The following ETV6 variants were observed in gnomAD, a reference collection of about 807,000 sequenced individuals.
ETV6 encodes the protein transcription factor ETV6.
ETV6 carries 16 observed loss-of-function variants against 51.1 expected under a neutral mutation model. The ratio of observed to expected loss-of-function variants is 0.31; its 90% confidence interval spans 0.21 to 0.48. The LOEUF (loss-of-function observed/expected upper bound fraction) is 0.48. ETV6 is among the 20% of genes least tolerant of loss of function. ETV6 has a pLI of 0.99. For synonymous variants in ETV6, 240 were observed against 224.1 expected (o/e 1.07, Z -0.64); for missense variants, 458 against 594.8 (o/e 0.77, Z 2.39).
intron 2 of ETV6, among the ~76,000 whole-genome samples, chr12:11,796,828 C>A (rs771927873): frequency 2.0e-4 from 31 of 151,260 alleles, no homozygotes; most frequent in Admixed American, 4.0e-4. Context: ...TCTCTGTCAC[C>A]CAGGCTGGAG....
At chr12:11,789,235 T>C (rs866746831) in intron 2 of ETV6, among the ~76,000 whole-genome samples, 1 of 152,122 alleles carries the variant, frequency 6.6e-6, no homozygotes, top group East Asian at 1.9e-4. Flanking sequence ...GTTTTCACCA[T>C]GTTGGCCAGG....
At chr12:11,861,892 G>C (rs923228742) in intron 4 of ETV6, among the ~76,000 whole-genome samples, 1 of 152,128 alleles carries the variant, frequency 6.6e-6, no homozygotes, top group African/African-American at 2.4e-5. Context: ...CCAATCCTTT[G>C]ATTTTTTAAT....
intron 2 of ETV6, among the ~76,000 whole-genome samples, chr12:11,782,731 C>T (rs942682462): frequency 2.0e-5 from 3 of 152,082 alleles, no homozygotes; most frequent in Non-Finnish European, 4.4e-5. Context: ...TTTTTTAATT[C>T]TCAAAAAGTA....
intron 1 of ETV6, among the ~76,000 whole-genome samples, chr12:11,680,097 C>T (rs776331688): frequency 1.2e-4 from 19 of 152,132 alleles, no homozygotes; most frequent in East Asian, 9.6e-4. Flanking sequence ...TTTTGACCTC[C>T]GAATACTGAA....
At chr12:11,769,465 G>A (rs1945209544) in intron 2 of ETV6, among the ~76,000 whole-genome samples, 2 of 152,042 alleles carry the variant, frequency 1.3e-5, no homozygotes, top group Non-Finnish European at 2.9e-5. Flanking sequence ...GATTTTGATG[G>A]TACCTGATTA....
intron 4 of ETV6, among the ~76,000 whole-genome samples, chr12:11,853,899 C>T (rs1156586584): frequency 1.3e-5 from 2 of 152,180 alleles, no homozygotes; most frequent in African/African-American, 4.8e-5. Flanking sequence ...GCTCCCCACC[C>T]TTTTTGGCAC....
chr12:11,655,780 G>A (rs1459424081), intron 1 of ETV6, among the ~76,000 whole-genome samples: 1 of 152,096 alleles, frequency 6.6e-6, no homozygotes, highest in Non-Finnish European at 1.5e-5. Flanking sequence ...GAGTGTGGAC[G>A]AGGGGCTTGA....
At chr12:11,860,357 C>T (rs147252464) in intron 4 of ETV6, among the ~76,000 whole-genome samples, 118 of 152,194 alleles carry the variant, frequency 7.8e-4, no homozygotes, top group African/African-American at 2.7e-3. Flanking sequence ...GAGAGCATGC[C>T]GGCACGTATA....
intron 1 of ETV6, among the ~76,000 whole-genome samples, chr12:11,718,219 C>G (rs547402080): frequency 6.6e-6 from 1 of 152,140 alleles, no homozygotes; most frequent in African/African-American, 2.4e-5. Flanking sequence ...TTGCCCCGTT[C>G]CAGGAACCCT....
At chr12:11,659,983 G>A (rs1274855561) in intron 1 of ETV6, among the ~76,000 whole-genome samples, 1 of 152,042 alleles carries the variant, frequency 6.6e-6, no homozygotes, top group Non-Finnish European at 1.5e-5. Flanking sequence ...GAAGGAATGT[G>A]TTATAGTATT....
Position 11,869,360 on chromosome 12 carries a change from G to A in ETV6, c.464-64G>A, listed in dbSNP as rs764661178. On this transcript the variant is annotated intron_variant, in intron 4 of 7. Transcript: ENST00000396373. The surrounding 1 kb of genome is among the most constrained non-coding windows in gnomAD (Gnocchi z 5.0). Reference sequence around the variant, plus strand: ...TCCTCCATTTACCGCCTGTAGAGCCGCAGGGAGTTTCCTGTCCTGCCAACT... The same window carrying A: ...TCCTCCATTTACCGCCTGTAGAGCCACAGGGAGTTTCCTGTCCTGCCAACT... 29 of 1,465,416 alleles carry A rather than the reference G, an allele frequency of 2.0e-5. No individual in the cohort carries two copies. The highest frequency in any genetic ancestry group is 1.8e-4 in the Middle Eastern group (1 of 5,600). The allele number at this position is 1,465,416 out of a possible 1,614,324, so 90.8% of individuals were successfully genotyped here.
intron 1 of ETV6, among the ~76,000 whole-genome samples, chr12:11,690,906 A>ATAAATAAATAAG (rs1456323562): frequency 1.9e-4 from 29 of 150,874 alleles, no homozygotes; most frequent in African/African-American, 6.8e-4. Flanking sequence ...AAATAAATAA[A>ATAAATAAATAAG]TAAAATTATA....
chr12:11,661,827 T>A (rs1382605951), intron 1 of ETV6, among the ~76,000 whole-genome samples: 2 of 152,204 alleles, frequency 1.3e-5, no homozygotes, highest in African/African-American at 4.8e-5. Context: ...GCTCCTTGTG[T>A]CTGGCAGGGC....
intron 2 of ETV6, among the ~76,000 whole-genome samples, chr12:11,815,536 A>G (rs1438764582): frequency 6.6e-6 from 1 of 152,190 alleles, no homozygotes; most frequent in Non-Finnish European, 1.5e-5. Flanking sequence ...GGCCACTTTG[A>G]TCAAGCCATT....
At chr12:11,787,583 A>G (rs897051113) in intron 2 of ETV6, among the ~76,000 whole-genome samples, 1 of 152,130 alleles carries the variant, frequency 6.6e-6, no homozygotes, top group Non-Finnish European at 1.5e-5. Flanking sequence ...TGGGTGTGAA[A>G]AGGCTGAGAC....
intron 2 of ETV6, among the ~76,000 whole-genome samples, chr12:11,803,797 T>C (rs1945787481): frequency 6.6e-6 from 1 of 152,216 alleles, no homozygotes; most frequent in Non-Finnish European, 1.5e-5. Flanking sequence ...AAGTCTGTCA[T>C]TATAAACACT....
At chr12:11,865,922 C>G (rs1176499814) in intron 4 of ETV6, among the ~76,000 whole-genome samples, 2 of 151,886 alleles carry the variant, frequency 1.3e-5, no homozygotes, top group African/African-American at 4.8e-5. Context: ...AATGTTGTTA[C>G]CAAATTTGAG....
At chr12:11,751,055 T>C (rs879016264) in intron 1 of ETV6, among the ~76,000 whole-genome samples, 1 of 152,148 alleles carries the variant, frequency 6.6e-6, no homozygotes, top group South Asian at 2.1e-4. Flanking sequence ...AACAGAAATA[T>C]TCCAACTGCC....
chr12:11,845,098 G>A lies in ETV6; in HGVS notation c.328+5794G>A, dbSNP rs539528991. ...CCCACTTTGGCCTCCCAAAGTGCTA[G>A]GATTACAGGCGTGAGCTACTGCACC... On this transcript the variant is annotated intron_variant, in intron 3 of 7. Transcript: ENST00000396373. 4.6e-5 allele frequency among the ~76,000 whole-genome samples: 7 copies of A among 152,248 alleles called. No homozygotes were observed. In the East Asian group the frequency reaches 5.8e-4, roughly 13 times the overall value.
Sources: allele counts gnomAD v4.1 joint callset (sites outside exome capture counted in the v4.1 genomes callset), GRCh38; gene constraint gnomAD v4.1.1; non-coding constraint Gnocchi (gnomAD v3.1); transcripts MANE v1.5; gene names NCBI Gene and HGNC (gene_info 2026-07-23, HGNC 2026-07-21).